The following GABRR2 variants were observed in gnomAD, a reference collection of about 807,000 sequenced individuals.
The protein encoded by GABRR2 is gamma-aminobutyric acid type A receptor subunit rho2.
Under a neutral mutation model 47.0 loss-of-function variants are expected in GABRR2, and 36 were observed. That is an observed-to-expected ratio of 0.77 (90% CI 0.59 to 1.01). The LOEUF (loss-of-function observed/expected upper bound fraction) is 1.01, where lower values mean the gene tolerates loss of function less well. Among genes scored for constraint, GABRR2 ranks in the 50% least tolerant of loss-of-function variants. GABRR2 has a pLI of 0.00. For missense variants in GABRR2, 587 were observed against 594.6 expected (o/e 0.99, Z 0.13); for synonymous variants, 204 against 227.5 (o/e 0.90, Z 0.93).
chr6:89,299,676 T>C, intron 2 of GABRR2, 83 bp downstream of exon 2: 1 of 873,052 alleles, frequency 1.1e-6, no homozygotes, highest in Non-Finnish European at 1.9e-6. Context: ...GAGGAAGCGC[T>C]GTGCCAGAGG....
intron 2 of GABRR2, among the ~76,000 whole-genome samples, chr6:89,292,662 A>G (rs141548878): frequency 1.5e-5 from 2 of 129,732 alleles, no homozygotes; most frequent in Non-Finnish European, 1.8e-5. Context: ...TATATCAGAT[A>G]TATATCGTAT....
chr6:89,264,328 C>A lies in GABRR2; in HGVS notation c.1086+84G>T. ...AACATCTCCTTTTTCTACATGCAAC[C>A]CCTGCCTCTGCCCCCTGGCCCAGAA... On this transcript the variant is annotated intron_variant, in intron 8 of 8. Transcript: ENST00000402938. The A allele has an allele frequency of 3.5e-6, 5 of 1,445,410 alleles. No homozygotes were observed. The South Asian group carries it at 6.7e-5, about 19-fold the overall frequency. 89.5% of individuals were successfully genotyped at this position (1,445,410 alleles called of 1,614,324 possible).
rs144186297 is a variant in GABRR2, at chr6:89,281,775, G to A, written c.221-10053C>T. Among the ~76,000 whole-genome samples the A allele has an allele frequency of 1.7e-3, 263 of 152,182 alleles. 2 individuals are homozygous for A. The highest frequency in any genetic ancestry group is 5.9e-3 in the African/African-American group (245 of 41,520). On this transcript the variant is annotated intron_variant, in intron 2 of 8. Coordinates refer to ENST00000402938, the MANE Select transcript of GABRR2 (RefSeq NM_002043.5). ...TGCTGGCTGGTCTCTGCCACTAAGC[G>A]CTTCTCTGGACTGGTGTCTGCTGAG... is the stretch of plus-strand genomic sequence containing the variant.
At chr6:89,264,718 C>A (rs1433480942) in intron 7 of GABRR2, 110 bp from the exon 8 acceptor site, 4 of 1,379,256 alleles carry the variant, frequency 2.9e-6, no homozygotes, top group Non-Finnish European at 4.0e-6. Flanking sequence ...TGAGAAAGTC[C>A]CAGGTGTGTT....
intron 7 of GABRR2, among the ~76,000 whole-genome samples, chr6:89,264,932 C>T (rs929308849): frequency 2.0e-5 from 3 of 152,118 alleles, no homozygotes; most frequent in African/African-American, 7.2e-5. Context: ...TCTCAAACTT[C>T]TCATCTTTAG....
Position 89,254,554 on chromosome 6 carries a change from G to A in GABRR2, c.*3116C>T, listed in dbSNP as rs1443334432. Among the ~76,000 whole-genome samples, 2 of 152,038 alleles carry A rather than the reference G, an allele frequency of 1.3e-5. No homozygotes were observed. Among genetic ancestry groups the A allele is most frequent in the Non-Finnish European group, 2.9e-5 (2 of 68,012 alleles). On this transcript the variant is annotated 3_prime_UTR_variant, in exon 9 of 9. Transcript: ENST00000402938. ...AATCAGGATTCATATTATAATCATT[G>A]GCATTCCAGAATTTGATTGTTAGTA...
intron 1 of GABRR2, chr6:89,301,966 C>G: frequency 2.3e-6 from 2 of 853,260 alleles, no homozygotes; most frequent in Non-Finnish European, 3.9e-6. Flanking sequence ...GTATGTGCCT[C>G]GGGCCATTCG....
chr6:89,304,237 A>G (rs940287437), intron 1 of GABRR2, among the ~76,000 whole-genome samples: 1 of 152,228 alleles, frequency 6.6e-6, no homozygotes, highest in Non-Finnish European at 1.5e-5. Context: ...TCTATAAGGA[A>G]CTTAAATTTA....
chr6:89,280,549 C>A (rs949741142), intron 2 of GABRR2, among the ~76,000 whole-genome samples: 1 of 152,124 alleles, frequency 6.6e-6, no homozygotes, highest in Non-Finnish European at 1.5e-5. Context: ...TGCCAGCTTA[C>A]TGCCCGCTGC....
intron 2 of GABRR2, among the ~76,000 whole-genome samples, chr6:89,291,983 G>A (rs1774449568): frequency 6.6e-6 from 1 of 152,100 alleles, no homozygotes; most frequent in South Asian, 2.1e-4. Context: ...TCCACATGAG[G>A]ATTTCATTAA....
intron 8 of GABRR2, among the ~76,000 whole-genome samples, chr6:89,261,413 C>T (rs886135922): frequency 6.6e-6 from 1 of 151,936 alleles, no homozygotes; most frequent in African/African-American, 2.4e-5. Flanking sequence ...ATGAACTGAC[C>T]CCCCTCTTGG....
At chr6:89,281,509 A>AT (rs1419797167) in intron 2 of GABRR2, among the ~76,000 whole-genome samples, 2 of 152,146 alleles carry the variant, frequency 1.3e-5, no homozygotes, top group Admixed American at 6.5e-5. Context: ...TGTGATGAGC[A>AT]TAAGTGTAGT....
intron 1 of GABRR2, among the ~76,000 whole-genome samples, chr6:89,305,460 C>A (rs1038327529): frequency 1.3e-5 from 2 of 152,216 alleles, no homozygotes; most frequent in Non-Finnish European, 2.9e-5. Context: ...AGGCAGATCA[C>A]TTGAGCCCAG....
chr6:89,303,072 C>T (rs1027217824), intron 1 of GABRR2: 57 of 835,592 alleles, frequency 6.8e-5, no homozygotes, highest in African/African-American at 1.7e-4. Flanking sequence ...GTGAGATGTT[C>T]GCAGATGAGG....
At chr6:89,273,836 C>T (rs768485942) in intron 2 of GABRR2, among the ~76,000 whole-genome samples, 1 of 152,198 alleles carries the variant, frequency 6.6e-6, no homozygotes, top group Admixed American at 6.5e-5. Flanking sequence ...GCACAGCCTC[C>T]TGTGGAAGAT....
intron 8 of GABRR2, among the ~76,000 whole-genome samples, chr6:89,258,839 C>A (rs891030445): frequency 2.0e-5 from 3 of 148,196 alleles, no homozygotes; most frequent in Non-Finnish European, 3.0e-5. Flanking sequence ...TTAGACAGTT[C>A]AACTGCACCA....
chr6:89,312,616 G>T (rs1728286074), intron 1 of GABRR2, among the ~76,000 whole-genome samples: 2 of 152,220 alleles, frequency 1.3e-5, no homozygotes, highest in South Asian at 4.1e-4. Flanking sequence ...AAGGGGTCTG[G>T]TCATTTTCTT....
chr6:89,305,741 A>T (rs1767547910), intron 1 of GABRR2, among the ~76,000 whole-genome samples: 1 of 152,214 alleles, frequency 6.6e-6, no homozygotes, highest in Non-Finnish European at 1.5e-5. Flanking sequence ...AGTGGGAGCT[A>T]AGTGATGAGA....
chr6:89,303,174 A>G, intron 1 of GABRR2: 1 of 401,812 alleles, frequency 2.5e-6, no homozygotes, highest in South Asian at 2.0e-5. Context: ...GCAGTGTCTG[A>G]CCTCCAGAGC....
Sources: gnomAD v4.1 joint callset for allele counts (sites outside exome capture counted in the v4.1 genomes callset) on GRCh38, gnomAD v4.1.1 for gene constraint, MANE v1.5 for transcripts, NCBI Gene and HGNC (gene_info 2026-07-23, HGNC 2026-07-21) for gene names.